The following PCDH15 variants were observed in gnomAD, a reference collection of about 807,000 sequenced individuals.
PCDH15 encodes the protein protocadherin related 15, also known as protocadherin-15.
In PCDH15, 129 loss-of-function variants were observed where a neutral mutation model predicts 178.5. That is an observed-to-expected ratio of 0.72 (90% CI 0.63 to 0.84). The LOEUF (loss-of-function observed/expected upper bound fraction) is 0.84. Among genes scored for constraint, PCDH15 ranks in the 40% least tolerant of loss-of-function variants. The probability of loss-of-function intolerance (pLI) is 0.00; values close to 1 mark genes in which losing one functional copy is unlikely to be tolerated. For missense variants in PCDH15, 2,230 were observed against 2,099.9 expected, an observed-to-expected ratio of 1.06 and a Z score of -1.21; for synonymous variants, 800 against 732.0, an observed-to-expected ratio of 1.09 and a Z score of -1.50.
chr10:54,765,725 G>C (rs1035727636), intron 1 of PCDH15, among the ~76,000 whole-genome samples: 10 of 151,898 alleles, frequency 6.6e-5, no homozygotes, highest in African/African-American at 2.4e-4. Context: ...ATCATTTATT[G>C]ATGAGAAATT....
At position 54,079,428 on chromosome 10, in the gene PCDH15, G is replaced by C. The variant is rs1161973283; in HGVS notation, c.1998-4C>G. ...CCCTAAGGTTAGAATCCCCGTGCTA[G>C]TGACAAAACAAACAAACAAATAAGA... is the stretch of plus-strand genomic sequence containing the variant. On this transcript the variant is annotated splice_polypyrimidine_tract_variant and splice_region_variant and intron_variant, in intron 16 of 37. Transcript: ENST00000644397. 1 of 1,612,726 alleles carries C rather than the reference G, an allele frequency of 6.2e-7. No individual in the cohort carries two copies. The highest frequency in any genetic ancestry group is 2.2e-5 in the East Asian group (1 of 44,858).
chr10:53,939,544 C>T (rs1478645795), intron 24 of PCDH15, among the ~76,000 whole-genome samples: 1 of 151,976 alleles, frequency 6.6e-6, no homozygotes. Context: ...CCCTCTTATG[C>T]TCTCCATATT....
At chr10:54,130,618 G>C (rs2042356797) in intron 15 of PCDH15, among the ~76,000 whole-genome samples, 1 of 152,150 alleles carries the variant, frequency 6.6e-6, no homozygotes, top group Non-Finnish European at 1.5e-5. Context: ...TTCTTAAAAG[G>C]GGAAGTGGGA....
At chr10:54,710,780 CCT>C (rs924521898) in intron 1 of PCDH15, among the ~76,000 whole-genome samples, 1 of 151,946 alleles carries the variant, frequency 6.6e-6, no homozygotes, top group African/African-American at 2.4e-5. Context: ...TCTTCTAATA[CCT>C]CTTTTTTACT....
chr10:54,419,522 A>C (rs369116201), intron 3 of PCDH15, among the ~76,000 whole-genome samples: 1 of 152,200 alleles, frequency 6.6e-6, no homozygotes. Context: ...TGATTTGCTC[A>C]ACTCAATCTT....
chr10:54,995,402 A>C (rs867491985), intron 2 of PCDH15, among the ~76,000 whole-genome samples: 8 of 152,056 alleles, frequency 5.3e-5, no homozygotes, highest in African/African-American at 1.4e-4. Flanking sequence ...AAAAAAAAAA[A>C]AAAAGAAGGA....
chr10:54,335,873 G>C (rs1940992355), intron 6 of PCDH15, among the ~76,000 whole-genome samples: 1 of 152,148 alleles, frequency 6.6e-6, no homozygotes, highest in Non-Finnish European at 1.5e-5. Context: ...GAACAGTTTG[G>C]AGGGCTCAGA....
chr10:54,033,341 T>C (rs1409904746), intron 18 of PCDH15, among the ~76,000 whole-genome samples: 1 of 151,962 alleles, frequency 6.6e-6, no homozygotes, highest in Admixed American at 6.6e-5. Context: ...TATATTTATG[T>C]ATATATATTA....
chr10:54,373,673 T>A (rs1462819880), intron 4 of PCDH15, among the ~76,000 whole-genome samples: 1 of 152,006 alleles, frequency 6.6e-6, no homozygotes, highest in Non-Finnish European at 1.5e-5. Context: ...TATGACTTAG[T>A]CCTTGGATAC....
chr10:54,445,075 G>C (rs2076065090), intron 3 of PCDH15, among the ~76,000 whole-genome samples: 1 of 150,880 alleles, frequency 6.6e-6, no homozygotes, highest in South Asian at 2.1e-4. Context: ...TGCTTGTCCT[G>C]GGTTCCATCT....
intron 3 of PCDH15, among the ~76,000 whole-genome samples, chr10:54,868,281 C>A (rs1953973710): frequency 6.6e-6 from 1 of 152,132 alleles, no homozygotes. Context: ...TTGAATTATA[C>A]CTGTCTATAT....
chr10:54,544,153 T>G (rs1474949077), intron 2 of PCDH15, among the ~76,000 whole-genome samples: 6 of 152,112 alleles, frequency 3.9e-5, no homozygotes, highest in African/African-American at 7.2e-5. Context: ...TTTCTTGGGG[T>G]GAAAGAAAAC....
intron 2 of PCDH15, among the ~76,000 whole-genome samples, chr10:55,577,059 T>C (rs985481489): frequency 1.3e-5 from 2 of 151,948 alleles, no homozygotes; most frequent in African/African-American, 4.8e-5. Context: ...ATGGCCAATA[T>C]GGTGAAACCC....
At chr10:55,264,648 C>G (rs914093139) in intron 1 of PCDH15, among the ~76,000 whole-genome samples, 12 of 152,128 alleles carry the variant, frequency 7.9e-5, no homozygotes, top group Non-Finnish European at 1.3e-4. Flanking sequence ...GTAACCAGTT[C>G]TCTTCACCAC....
intron 1 of PCDH15, among the ~76,000 whole-genome samples, chr10:55,293,649 T>C (rs1355522456): frequency 6.6e-6 from 1 of 152,174 alleles, no homozygotes; most frequent in Non-Finnish European, 1.5e-5. Flanking sequence ...TCCACAAATC[T>C]CTAGGGCAGA....
At position 54,195,680 on chromosome 10, in the gene PCDH15, T is replaced by C. The variant is rs1400389349; in HGVS notation, c.1305+3A>G. ...ACAAGAGCAAAATATGTATTTAACT[T>C]ACATCTTCTATGTCCTTGTCCAGAG... On this transcript the variant is annotated splice_donor_region_variant and intron_variant, in intron 11 of 37. Coordinates refer to ENST00000644397, the MANE Select transcript of PCDH15 (RefSeq NM_001384140.1). 3.1e-6 allele frequency: 5 copies of C among 1,610,018 alleles called. No homozygotes were observed. The South Asian group carries it at 5.5e-5, about 18-fold the overall frequency.
chr10:54,937,849 A>G (rs1002901158), intron 2 of PCDH15, among the ~76,000 whole-genome samples: 1 of 152,080 alleles, frequency 6.6e-6, no homozygotes, highest in African/African-American at 2.4e-5. Flanking sequence ...TTTCCTTGCC[A>G]AACTACCTTG....
chr10:54,263,498 A>G (rs1304539802), intron 8 of PCDH15, among the ~76,000 whole-genome samples: 1 of 152,212 alleles, frequency 6.6e-6, no homozygotes, highest in Non-Finnish European at 1.5e-5. Context: ...GAGGACAAGC[A>G]TGCACCAAGA....
intron 2 of PCDH15, among the ~76,000 whole-genome samples, chr10:54,537,862 G>T (rs1301830148): frequency 6.6e-6 from 1 of 152,086 alleles, no homozygotes; most frequent in Non-Finnish European, 1.5e-5. Flanking sequence ...TTTCTCTGAT[G>T]ATTAGTGATG....
Sources: gnomAD v4.1 joint callset for allele counts (sites outside exome capture counted in the v4.1 genomes callset) on GRCh38, gnomAD v4.1.1 for gene constraint, MANE v1.5 for transcripts, NCBI Gene and HGNC (gene_info 2026-07-23, HGNC 2026-07-21) for gene names.